The following PID1 variants were observed in gnomAD, a reference collection of about 807,000 sequenced individuals.
The protein encoded by PID1 is phosphotyrosine interaction domain containing 1.
Under a neutral mutation model 19.1 loss-of-function variants are expected in PID1, and 10 were observed. The ratio of observed to expected loss-of-function variants is 0.52; its 90% confidence interval spans 0.32 to 0.89. The LOEUF (loss-of-function observed/expected upper bound fraction) is 0.89, where lower values mean the gene tolerates loss of function less well. PID1 is among the 40% of genes least tolerant of loss of function. PID1 has a pLI of 0.03. For synonymous variants in PID1, 130 were observed against 116.0 expected (o/e 1.12, Z -0.78); for missense variants, 248 against 285.3 (o/e 0.87, Z 0.94).
intron 1 of PID1, among the ~76,000 whole-genome samples, chr2:229,263,172 G>A (rs930216628): frequency 6.6e-6 from 1 of 152,148 alleles, no homozygotes; most frequent in African/African-American, 2.4e-5. Context: ...ATTCACATAT[G>A]GGCATAAACA....
At chr2:229,243,039 G>A (rs1689915140) in intron 1 of PID1, among the ~76,000 whole-genome samples, 1 of 152,046 alleles carries the variant, frequency 6.6e-6, no homozygotes, top group Admixed American at 6.6e-5. Flanking sequence ...ACCCAAGACT[G>A]GGCAATGTAC....
chr2:229,247,703 C>A (rs781051903), intron 1 of PID1, among the ~76,000 whole-genome samples: 4 of 152,300 alleles, frequency 2.6e-5, no homozygotes, highest in Middle Eastern at 3.4e-3. Context: ...TGGAGAACAG[C>A]CCCTGCCTTT....
At position 229,172,793 on chromosome 2, in the gene PID1, G is replaced by A. The variant is rs55828303; in HGVS notation, c.31-16829C>T. Among the ~76,000 whole-genome samples, 625 of 152,154 alleles carry A rather than the reference G, an allele frequency of 4.1e-3. 4 individuals are homozygous for A. The highest frequency in any genetic ancestry group is 0.012 in the African/African-American group (501 of 41,526). ...GTTGCCCAGACAGGAGTGCAATGGC[G>A]TAATCTCAGCTCACTGTAACCTCCA... On this transcript the variant is annotated intron_variant, in intron 1 of 2. Transcript: ENST00000392055.
intron 1 of PID1, among the ~76,000 whole-genome samples, chr2:229,168,382 T>A (rs754489757): frequency 2.6e-5 from 4 of 152,172 alleles, no homozygotes; most frequent in Non-Finnish European, 4.4e-5. Context: ...GGATTTCAGT[T>A]TGGGTAATTT....
At chr2:229,233,031 C>T (rs1447988588) in intron 1 of PID1, among the ~76,000 whole-genome samples, 1 of 152,042 alleles carries the variant, frequency 6.6e-6, no homozygotes, top group Non-Finnish European at 1.5e-5. Context: ...CTCAATAAAG[C>T]AGAGCTGTAA....
chr2:229,201,479 G>T (rs1320492438), intron 1 of PID1, among the ~76,000 whole-genome samples: 1 of 152,060 alleles, frequency 6.6e-6, no homozygotes, highest in Non-Finnish European at 1.5e-5. Flanking sequence ...AGGCTGAAGG[G>T]TAGTCCACTG....
chr2:229,134,577 A>G (rs6436844), intron 2 of PID1, among the ~76,000 whole-genome samples: 87,037 of 151,878 alleles, frequency 0.57, 25,071 homozygotes, highest in Admixed American at 0.65. Context: ...TAAAGCGTGA[A>G]CATTGTTGAA....
At chr2:229,239,149 A>C (rs1043267166) in intron 1 of PID1, among the ~76,000 whole-genome samples, 1 of 152,150 alleles carries the variant, frequency 6.6e-6, no homozygotes, top group African/African-American at 2.4e-5. Flanking sequence ...ATCTCTGGGA[A>C]AGCTTGTTAA....
At chr2:229,139,133 G>GAAAGAAAGA (rs1559251917) in intron 2 of PID1, among the ~76,000 whole-genome samples, 1 of 119,468 alleles carries the variant, frequency 8.4e-6, no homozygotes, top group Non-Finnish European at 1.8e-5. Flanking sequence ...AAGAAAGAAA[G>GAAAGAAAGA]AAAGAAAGAA....
chr2:229,074,463 G>A (rs574579399), intron 2 of PID1, among the ~76,000 whole-genome samples: 1 of 152,286 alleles, frequency 6.6e-6, no homozygotes, highest in South Asian at 2.1e-4. Flanking sequence ...AAAATACATA[G>A]GGGATTTTAG....
chr2:229,078,512 G>A (rs549281793), intron 2 of PID1, among the ~76,000 whole-genome samples: 3 of 152,282 alleles, frequency 2.0e-5, no homozygotes, highest in South Asian at 2.1e-4. Flanking sequence ...TGCCCCTTCA[G>A]TATGATATTA....
At chr2:229,070,114 T>C (rs1026574313) in intron 2 of PID1, among the ~76,000 whole-genome samples, 2 of 152,242 alleles carry the variant, frequency 1.3e-5, no homozygotes, top group Non-Finnish European at 1.5e-5. Flanking sequence ...GACCACAGTA[T>C]ACACAGAGCT....
chr2:229,163,680 T>TGTGCGC lies in PID1; in HGVS notation c.31-7717_31-7716insGCGCAC, dbSNP rs1365270238. Among the ~76,000 whole-genome samples the TGTGCGC allele has an allele frequency of 6.2e-3, 642 of 103,788 alleles. 2 individuals are homozygous for TGTGCGC. The highest frequency in any genetic ancestry group is 0.016 in the African/African-American group (562 of 35,350). The allele number at this position is 103,788 out of a possible 152,430, so 68.1% of individuals were successfully genotyped here. On this transcript the variant is annotated intron_variant, in intron 1 of 2. Transcript: ENST00000392055. The stretch of plus-strand genomic sequence containing the variant: ...GTGTGTGTGTGTGTGTGTGTGCGTG[T>TGTGCGC]GCGTGTGTGTGTGTGTATACTCACT...
At chr2:229,181,969 T>G (rs938414274) in intron 1 of PID1, among the ~76,000 whole-genome samples, 33 of 152,336 alleles carry the variant, frequency 2.2e-4, no homozygotes, top group Non-Finnish European at 4.3e-4. Flanking sequence ...GGCCACATAC[T>G]GTATGATTCC....
At chr2:229,222,373 G>A (rs1345875052) in intron 1 of PID1, among the ~76,000 whole-genome samples, 1 of 152,174 alleles carries the variant, frequency 6.6e-6, no homozygotes, top group Non-Finnish European at 1.5e-5. Context: ...ATGTGGACAT[G>A]TTTGCAATTA....
chr2:229,248,385 C>T (rs540244831), intron 1 of PID1, among the ~76,000 whole-genome samples: 10 of 152,276 alleles, frequency 6.6e-5, no homozygotes, highest in Admixed American at 3.3e-4. Flanking sequence ...AGGAGGCAGA[C>T]GATCATGGTT....
At chr2:229,045,078 C>T (rs895991139) in intron 2 of PID1, among the ~76,000 whole-genome samples, 1 of 152,034 alleles carries the variant, frequency 6.6e-6, no homozygotes, top group African/African-American at 2.4e-5. Flanking sequence ...CTCAACCTCC[C>T]AAGTAGCTGG....
At chr2:229,257,340 A>G (rs1297729674) in intron 1 of PID1, among the ~76,000 whole-genome samples, 1 of 152,092 alleles carries the variant, frequency 6.6e-6, no homozygotes, top group Non-Finnish European at 1.5e-5. Flanking sequence ...CCTCTAGCCT[A>G]CCATTTCTCT....
intron 2 of PID1, among the ~76,000 whole-genome samples, chr2:229,086,803 G>A (rs1207150214): frequency 6.6e-6 from 1 of 152,100 alleles, no homozygotes; most frequent in African/African-American, 2.4e-5. Flanking sequence ...ACAACTGTGA[G>A]CAGCAATGCC....
Sources: gnomAD v4.1 joint callset for allele counts (sites outside exome capture counted in the v4.1 genomes callset) on GRCh38, gnomAD v4.1.1 for gene constraint, MANE v1.5 for transcripts, NCBI Gene and HGNC (gene_info 2026-07-23, HGNC 2026-07-21) for gene names.